PTPN22: variants seen among roughly 807,000 people sequenced by gnomAD.
The protein encoded by PTPN22 is protein tyrosine phosphatase non-receptor type 22.
Under a neutral mutation model 103.3 loss-of-function variants are expected in PTPN22, and 85 were observed. The observed-to-expected ratio is 0.82, with a 90% confidence interval of 0.69 to 0.99. PTPN22 has a LOEUF of 0.99. Ranked by LOEUF, PTPN22 falls within the 50% of genes least tolerant of loss-of-function variation. PTPN22 has a pLI of 0.00. For synonymous variants in PTPN22, 323 were observed against 310.2 expected (o/e 1.04, Z -0.43); for missense variants, 865 against 936.9 (o/e 0.92, Z 1.00).
At chr1:113,821,815 C>T (rs1661642318) in intron 19 of PTPN22, among the ~76,000 whole-genome samples, 1 of 152,204 alleles carries the variant, frequency 6.6e-6, no homozygotes, top group East Asian at 1.9e-4. Context: ...GGCATGGTCA[C>T]ACCAGATGTA....
chr1:113,830,533 A>G (rs1245063605), intron 16 of PTPN22, among the ~76,000 whole-genome samples: 3 of 152,218 alleles, frequency 2.0e-5, no homozygotes, highest in African/African-American at 7.2e-5. Context: ...TTAAGAAGAC[A>G]AACATACAAA....
At chr1:113,856,588 C>T in exon 6 of PTPN22, 1 of 1,614,210 alleles carries the variant, frequency 6.2e-7, no homozygotes, top group Non-Finnish European at 8.5e-7. Context: ...CTGCATCTCT[C>T]CTGGCTCAGC....
At chr1:113,858,916 G>A in intron 3 of PTPN22, 86 bp downstream of exon 3, 7 of 1,526,534 alleles carry the variant, frequency 4.6e-6, no homozygotes, top group Non-Finnish European at 6.2e-6. Context: ...TGGGATTACA[G>A]GCATGAGCCA....
At chr1:113,814,945 G>C in exon 21 of PTPN22, 1 of 1,606,046 alleles carries the variant, frequency 6.2e-7, no homozygotes, top group Non-Finnish European at 8.5e-7. Context: ...TGGTCCTTTG[G>C]GTTTTGAAAA....
intron 16 of PTPN22, 34 bp downstream of exon 16, chr1:113,833,076 GC>G (rs1233140581): frequency 1.3e-6 from 2 of 1,540,326 alleles, no homozygotes; most frequent in Admixed American, 3.4e-5. Flanking sequence ...CAATCTTAGG[GC>G]TAAATGTCAT....
intron 4 of PTPN22, chr1:113,858,005 G>A: frequency 2.9e-6 from 1 of 344,634 alleles, no homozygotes. Context: ...GTTACCAAAT[G>A]AGCCTGTCAA....
At chr1:113,844,938 C>T (rs1663915905) in intron 11 of PTPN22, among the ~76,000 whole-genome samples, 1 of 152,128 alleles carries the variant, frequency 6.6e-6, no homozygotes, top group South Asian at 2.1e-4. Context: ...CCCACCTCAG[C>T]CCCCTGAGTA....
At chr1:113,822,561 C>T (rs1440301969) in intron 19 of PTPN22, among the ~76,000 whole-genome samples, 1 of 152,162 alleles carries the variant, frequency 6.6e-6, no homozygotes, top group Admixed American at 6.5e-5. Flanking sequence ...ACACCAAAAT[C>T]TCCTACCTCA....
chr1:113,829,437 T>C (rs903257663), intron 18 of PTPN22, among the ~76,000 whole-genome samples, 155 bp downstream of exon 18: 1 of 152,078 alleles, frequency 6.6e-6, no homozygotes, highest in Non-Finnish European at 1.5e-5. Context: ...TTTTCTTCTT[T>C]TTCGTTTCCT....
intron 11 of PTPN22, among the ~76,000 whole-genome samples, chr1:113,847,643 A>G (rs1181969504): frequency 6.6e-6 from 1 of 150,824 alleles, no homozygotes; most frequent in Non-Finnish European, 1.5e-5. Flanking sequence ...CAGTGGTGCA[A>G]TCTCAGATCA....
At chr1:113,834,182 C>G (rs910557655) in intron 15 of PTPN22, 127 bp downstream of exon 15, 200 of 1,035,198 alleles carry the variant, frequency 1.9e-4, no homozygotes, top group Non-Finnish European at 4.3e-5. Flanking sequence ...ATCCCAACAT[C>G]CTCTAGCACA....
At chr1:113,857,850 A>T in intron 4 of PTPN22, 74 bp from the exon 5 acceptor site, 2 of 1,346,474 alleles carry the variant, frequency 1.5e-6, no homozygotes, top group East Asian at 4.9e-5. Context: ...TGGATCCCAG[A>T]CTCAGAAAGT....
exon 4 of PTPN22, chr1:113,858,561 G>C (rs756956251): frequency 6.3e-7 from 1 of 1,587,408 alleles, no homozygotes; most frequent in Non-Finnish European, 8.6e-7. Flanking sequence ...TAAGCCTTGG[G>C]TCCATAAACT....
At chr1:113,819,384 A>G (rs925126781) in intron 20 of PTPN22, 193 bp downstream of exon 20, 7 of 344,126 alleles carry the variant, frequency 2.0e-5, no homozygotes, top group African/African-American at 1.1e-4. Flanking sequence ...CACATATACT[A>G]GATAATTTAG....
In PTPN22 at chr1:113,834,231, G is replaced by C; in HGVS notation, c.2025+78C>G. The C allele has an allele frequency of 5.8e-6, 8 of 1,376,586 alleles. No individual in the cohort carries two copies. The South Asian group carries it at 1.0e-4, about 17-fold the overall frequency. 85.3% of individuals were successfully genotyped at this position (1,376,586 alleles called of 1,614,324 possible). ...AGTATGTGCTTAGGATTTATTGAATGATGGGTGTTAAAAATACAAGGAGTA... is the reference window on the plus strand; with the variant it reads ...AGTATGTGCTTAGGATTTATTGAATCATGGGTGTTAAAAATACAAGGAGTA... On this transcript the variant is annotated intron_variant, in intron 15 of 20. Coordinates refer to ENST00000359785, the Ensembl canonical transcript of PTPN22.
chr1:113,832,369 A>G (rs1012291992), intron 16 of PTPN22, among the ~76,000 whole-genome samples: 1 of 152,114 alleles, frequency 6.6e-6, no homozygotes, highest in Non-Finnish European at 1.5e-5. Context: ...TAGTAGAGAC[A>G]GGGTTTCACC....
intron 14 of PTPN22, 142 bp downstream of exon 14, chr1:113,834,768 G>C: frequency 1.3e-6 from 1 of 757,432 alleles, no homozygotes; most frequent in Non-Finnish European, 2.2e-6. Flanking sequence ...ACTATGTTGC[G>C]CAGGCTAGTC....
intron 7 of PTPN22, 102 bp from the exon 8 acceptor site, chr1:113,855,151 A>G: frequency 2.9e-6 from 3 of 1,030,032 alleles, no homozygotes; most frequent in South Asian, 1.6e-5. Flanking sequence ...ATTCAGTGGC[A>G]TGCATGCAAC....
In PTPN22 at chr1:113,852,080, A is replaced by T. The variant is rs757801885; in HGVS notation, c.775T>A (p.Phe259Ile). The stretch of plus-strand genomic sequence containing the variant: ...GTCCGCATTTCCCGGATCAAACTGA[A>T]AACACTGAAGTTCTCAGGAATTATC... The change falls in exon 10 of 21, where the codon TTC (phenylalanine) becomes ATC (isoleucine). Residue 259 changes from phenylalanine (F) to isoleucine (I), a missense_variant. Phe to Ile is a conservative substitution (Grantham distance 21). Transcript: ENST00000359785. 5 of 1,610,742 alleles carry T rather than the reference A, an allele frequency of 3.1e-6. No homozygotes were observed. The East Asian group carries it at 8.9e-5, about 29-fold the overall frequency.
Sources: gnomAD v4.1 joint callset for allele counts (sites outside exome capture counted in the v4.1 genomes callset) on GRCh38, gnomAD v4.1.1 for gene constraint, MANE v1.5 for transcripts, NCBI Gene and HGNC (gene_info 2026-07-23, HGNC 2026-07-21) for gene names.